The following EXOC3L1 variants were observed in gnomAD, a reference collection of about 807,000 sequenced individuals.
The protein encoded by EXOC3L1 is exocyst complex component 3 like 1, also known as exocyst complex component 3-like protein.
A neutral mutation model predicts 83.6 loss-of-function variants in EXOC3L1; 79 were observed. The observed-to-expected ratio is 0.95, with a 90% confidence interval of 0.79 to 1.14. The LOEUF is 1.14. EXOC3L1 is among the 50% of genes most tolerant of loss of function. The probability of loss-of-function intolerance (pLI) is 0.00; values close to 1 mark genes in which losing one functional copy is unlikely to be tolerated. For synonymous variants in EXOC3L1, 433 were observed against 451.2 expected, an observed-to-expected ratio of 0.96 and a Z score of 0.51; for missense variants, 945 against 972.0, an observed-to-expected ratio of 0.97 and a Z score of 0.37.
At chr16:67,185,279 T>A (rs1236156918) in intron 10 of EXOC3L1, 21 bp from the exon 11 acceptor site, 1 of 1,613,316 alleles carries the variant, frequency 6.2e-7, no homozygotes, top group African/African-American at 1.3e-5. Context: ...GATCCAGATC[T>A]GGCATTGCCG....
In EXOC3L1 at chr16:67,184,549, G is replaced by T; in HGVS notation, c.2086C>A (p.His696Asn). 1 of 1,530,440 alleles carries T rather than the reference G, an allele frequency of 6.5e-7. No individual in the cohort carries two copies. The highest frequency in any genetic ancestry group is 1.4e-5 in the African/African-American group (1 of 72,102). 94.8% of individuals were successfully genotyped at this position (1,530,440 alleles called of 1,614,324 possible). Reference protein sequence around the residue: ...GLRGDLSREQHLAALSSLQAA... With the variant: ...GLRGDLSREQNLAALSSLQAA... ...TGCAGGGAGCTGAGCGCGGCCAGGT[G>T]CTGCTCCCGGGACAAGTCCCCGCGC... Residue 696 changes from histidine to asparagine, a missense_variant, in exon 14 of 14, where the codon CAC becomes AAC. Coordinates refer to ENST00000314586, the MANE Select transcript of EXOC3L1 (RefSeq NM_178516.4).
rs750782584 is a variant in EXOC3L1 at position 67,187,299 on chromosome 16, G to T, written c.966C>A (p.Asn322Lys). The change falls in exon 5 of 14, where the codon AAC becomes AAA. Residue 322 changes from asparagine (N) to lysine (K), a missense_variant. Asn to Lys is a moderately conservative substitution (Grantham distance 94). Transcript: ENST00000314586. Reference protein sequence around the residue: ...LHSGLRRSLQNLLAGPELEAA... With the variant: ...LHSGLRRSLQKLLAGPELEAA... Reference sequence around the variant, plus strand: ...CTTCTAGCTCAGGCCCTGCAAGGAGGTTCTGCAGGCTGCGGCGCAAACCAC... The same window carrying T: ...CTTCTAGCTCAGGCCCTGCAAGGAGTTTCTGCAGGCTGCGGCGCAAACCAC... The T allele has an allele frequency of 6.2e-7, 1 of 1,613,042 alleles. No individual in the cohort carries two copies. Among genetic ancestry groups the T allele is most frequent in the East Asian group, 2.2e-5 (1 of 44,890 alleles).
intron 2 of EXOC3L1, 146 bp from the exon 3 acceptor site, chr16:67,189,326 G>T: frequency 1.0e-6 from 1 of 960,622 alleles, no homozygotes; most frequent in South Asian, 2.0e-5. Context: ...GCCCAGGCTG[G>T]AGTGCAGTGG....
At position 67,184,772 on chromosome 16, in the gene EXOC3L1, G is replaced by C; in HGVS notation, c.1944C>G (p.Leu648=). Residue 648 remains leucine, a synonymous_variant, in exon 13 of 14, where the codon CTC becomes CTG. Transcript: ENST00000314586. ...EENAHCAPVL[L]ALRELLNLRD... The stretch of plus-strand genomic sequence containing the variant: ...GGAGGTTTAGCAGCTCCCTCAGGGC[G>C]AGCAGCACCGGCGCGCAGTGCGCGT... The C allele has an allele frequency of 6.3e-7, 1 of 1,598,428 alleles. No homozygotes were observed. Among genetic ancestry groups the C allele is most frequent in the African/African-American group, 1.3e-5 (1 of 74,964 alleles).
At position 67,185,472 on chromosome 16, in the gene EXOC3L1, C is replaced by G. The variant is rs554282272; in HGVS notation, c.1515G>C (p.Leu505=). 6.2e-7 allele frequency: 1 copy of G among 1,609,150 alleles called. No homozygotes were observed. The highest frequency in any genetic ancestry group is 1.1e-5 in the South Asian group (1 of 91,086). Residue 505 remains leucine, a synonymous_variant, in exon 10 of 14, where the codon CTG becomes CTC. Transcript: ENST00000314586. The part of the protein sequence containing the change: ...KSALSSSVSV[L]QLDGAPSGAL... ...CCCCTGAAGGCGCCCCGTCCAGCTGCAGGACAGACACTGAGGAGCTGGACC... is the reference window on the plus strand; with the variant it reads ...CCCCTGAAGGCGCCCCGTCCAGCTGGAGGACAGACACTGAGGAGCTGGACC...
chr16:67,189,729 T>A (rs922694531), intron 1 of EXOC3L1, 46 bp from the exon 2 acceptor site: 1 of 1,585,954 alleles, frequency 6.3e-7, no homozygotes, highest in Non-Finnish European at 8.6e-7. Flanking sequence ...GCAGGCAGAG[T>A]AGATGCCCCT....
At position 67,185,463 on chromosome 16, in the gene EXOC3L1, G is replaced by C. The variant is rs1378305547; in HGVS notation, c.1524C>G (p.Asp508Glu). ...LSSSVSVLQL[D>E]GAPSGALAPV... ...GAGCCAAGGCCCCTGAAGGCGCCCC[G>C]TCCAGCTGCAGGACAGACACTGAGG... Residue 508 changes from aspartate to glutamate, a missense_variant, in exon 10 of 14, where the codon GAC becomes GAG. Physicochemically the swap from Asp to Glu is conservative, Grantham distance 45 (BLOSUM62 2). Transcript: ENST00000314586. The C allele has an allele frequency of 4.3e-6, 7 of 1,609,944 alleles. No homozygotes were observed. Among genetic ancestry groups the C allele is most frequent in the Non-Finnish European group, 5.9e-6 (7 of 1,180,018 alleles).
chr16:67,186,933 G>A, intron 6 of EXOC3L1, 49 bp from the exon 7 acceptor site: 3 of 1,612,754 alleles, frequency 1.9e-6, no homozygotes, highest in Non-Finnish European at 2.5e-6. Flanking sequence ...ATCTGACCCT[G>A]CTGGAGATGG....
Position 67,184,982 on chromosome 16 carries a change from G to A in EXOC3L1, c.1825C>T (p.Arg609Cys). Residue 609 changes from arginine to cysteine, a missense_variant, in exon 12 of 14, where the codon CGC becomes TGC. Coordinates refer to ENST00000314586, the MANE Select transcript of EXOC3L1 (RefSeq NM_178516.4). ...SALMQGRLVC[R>C]GADERTQAAE... ...GCCTGGGTCCTCTCGTCGGCTCCGCGGCACACCAGGCGGCCTTGCATCAGC... is the reference window on the plus strand; with the variant it reads ...GCCTGGGTCCTCTCGTCGGCTCCGCAGCACACCAGGCGGCCTTGCATCAGC... The A allele has an allele frequency of 6.2e-7, 1 of 1,609,726 alleles. No homozygotes were observed. The highest frequency in any genetic ancestry group is 8.5e-7 in the Non-Finnish European group (1 of 1,178,828).
chr16:67,187,826 C>T lies in EXOC3L1; in HGVS notation c.439G>A (p.Val147Met), dbSNP rs752339312. ...TCAATCAGAGTCTGTGTGTGGGACA[C>T]TGCAGCCGGCACTAATGAGAGTGAA... Reference protein sequence around the residue: ...LPRLRAVPAAVSHTQTLIDGQ... With the variant: ...LPRLRAVPAAMSHTQTLIDGQ... Residue 147 changes from valine (V) to methionine (M), a missense_variant, in exon 5 of 14, where the codon GTG becomes ATG. Val to Met is a conservative substitution (Grantham distance 21). Transcript: ENST00000314586. 6.3e-7 allele frequency: 1 copy of T among 1,590,996 alleles called. No homozygotes were observed. The highest frequency in any genetic ancestry group is 2.2e-5 in the East Asian group (1 of 44,560).
At chr16:67,187,899 A>G in intron 4 of EXOC3L1, 62 bp from the exon 5 acceptor site, 1 of 1,507,246 alleles carries the variant, frequency 6.6e-7, no homozygotes, top group Non-Finnish European at 8.8e-7. Context: ...CAATGTGTAC[A>G]GCAGGGGATA....
chr16:67,188,047 C>A (rs1426105098), intron 4 of EXOC3L1, among the ~76,000 whole-genome samples: 1 of 152,118 alleles, frequency 6.6e-6, no homozygotes, highest in Non-Finnish European at 1.5e-5. Flanking sequence ...AGTTTGAGAC[C>A]AGCCCGGCCA....
In EXOC3L1 at chr16:67,188,815, G is replaced by A. The variant is rs780289046; in HGVS notation, c.333C>T (p.Ser111=). Residue 111 remains serine (S), a synonymous_variant, in exon 4 of 14, where the codon TCC becomes TCT. Transcript: ENST00000314586. ...SQARGLLQGM[S]QALQTLEPLR... is the part of the protein sequence containing the mutation. ...GGGGCTCTAGAGTCTGTAAGGCCTG[G>A]GACATGCCCTGGAGCAACCCACGGG... The A allele has an allele frequency of 6.2e-7, 1 of 1,613,368 alleles. No homozygotes were observed. The highest frequency in any genetic ancestry group is 1.7e-5 in the Admixed American group (1 of 60,020).
At chr16:67,189,758 C>A in intron 1 of EXOC3L1, 75 bp from the exon 2 acceptor site, 3 of 1,442,722 alleles carry the variant, frequency 2.1e-6, no homozygotes, top group Non-Finnish European at 1.9e-6. Flanking sequence ...CTGCCTCTGT[C>A]TAAGCCCTTC....
rs751763662 is a variant in EXOC3L1, at chr16:67,189,101, G to A, written c.126C>T (p.Tyr42=). 1 of 1,608,276 alleles carries A rather than the reference G, an allele frequency of 6.2e-7. No individual in the cohort carries two copies. The highest frequency in any genetic ancestry group is 1.1e-5 in the South Asian group (1 of 90,798). ...AALKWASGIF[Y]RPEQLARLGQ... ...CTAGCCTGGCCAGCTGCTCCGGCCG[G>A]TAGAAGATGCCTGAGGCCCACTTGA... Residue 42 remains tyrosine, a synonymous_variant, in exon 3 of 14, where the codon TAC becomes TAT. Transcript: ENST00000314586.
intron 7 of EXOC3L1, 24 bp downstream of exon 7, chr16:67,186,735 C>A (rs774754782): frequency 6.2e-7 from 1 of 1,613,768 alleles, no homozygotes; most frequent in Non-Finnish European, 8.5e-7. Flanking sequence ...AGGCTGCCTG[C>A]CTGTCTGGCC....
Position 67,184,889 on chromosome 16 carries a change from A to G in EXOC3L1, c.1905+13T>C. 6.2e-7 allele frequency: 1 copy of G among 1,611,994 alleles called. No homozygotes were observed. The highest frequency in any genetic ancestry group is 8.5e-7 in the Non-Finnish European group (1 of 1,179,812). ...GAGACTCTCGCCCGTCTGCCCGCCCAAGAAGCTCTCACCAAACTGAGGAAA... is the reference window on the plus strand; with the variant it reads ...GAGACTCTCGCCCGTCTGCCCGCCCGAGAAGCTCTCACCAAACTGAGGAAA... On this transcript the variant is annotated intron_variant, in intron 12 of 13. Coordinates refer to ENST00000314586, the MANE Select transcript of EXOC3L1 (RefSeq NM_178516.4).
chr16:67,185,496 C>A lies in EXOC3L1; in HGVS notation c.1497-6G>T. On this transcript the variant is annotated splice_polypyrimidine_tract_variant and splice_region_variant and intron_variant, in intron 9 of 13. Transcript: ENST00000314586. ...GCAGGACAGACACTGAGGAGCTGGA[C>A]CAAGCAAAACTACGGCTTCAGGACC... 6.2e-7 allele frequency: 1 copy of A among 1,605,022 alleles called. No individual in the cohort carries two copies.
rs2032809524 is a variant in EXOC3L1 at position 67,189,014 on chromosome 16, GC to G, written c.207+5del. 2.5e-6 allele frequency: 4 copies of G among 1,603,678 alleles called. No individual in the cohort carries two copies. The highest frequency in any genetic ancestry group is 3.4e-6 in the Non-Finnish European group (4 of 1,173,310). The stretch of plus-strand genomic sequence containing the variant: ...CCAGCACCCGCACCCCCTGCCCCAT[GC>G]CCACCTTGAGGCGCGATTCCAGGGA... On this transcript the variant is annotated splice_donor_5th_base_variant and intron_variant, in intron 3 of 13. Coordinates refer to ENST00000314586, the MANE Select transcript of EXOC3L1 (RefSeq NM_178516.4).
Sources: gnomAD v4.1 joint callset for allele counts (sites outside exome capture counted in the v4.1 genomes callset) on GRCh38, gnomAD v4.1.1 for gene constraint, MANE v1.5 for transcripts, NCBI Gene and HGNC (gene_info 2026-07-23, HGNC 2026-07-21) for gene names.